The following WWOX variants were observed in gnomAD, a reference collection of about 807,000 sequenced individuals.
WWOX encodes WW domain-containing oxidoreductase.
WWOX carries 69 observed loss-of-function variants against 46.2 expected under a neutral mutation model. The observed-to-expected ratio is 1.49, with a 90% CI of 1.23 to 1.82. The LOEUF is 1.82. Ranked by LOEUF, WWOX falls within the 40% of genes most tolerant of loss-of-function variation. The pLI is 0.00. For missense variants in WWOX, 919 were observed against 542.6 expected (o/e 1.69, Z -6.89); for synonymous variants, 359 against 202.6 (o/e 1.77, Z -6.56).
chr16:78,261,299 A>G (rs920392265), intron 5 of WWOX, among the ~76,000 whole-genome samples: 10 of 150,958 alleles, frequency 6.6e-5, no homozygotes, highest in Non-Finnish European at 1.5e-4. Context: ...ACATACATAC[A>G]TACATACATA....
intron 8 of WWOX, among the ~76,000 whole-genome samples, chr16:78,901,243 G>T (rs2044824357): frequency 6.6e-6 from 1 of 152,194 alleles, no homozygotes; most frequent in African/African-American, 2.4e-5. Context: ...GCAATAGTCT[G>T]GCAATCATCC....
At chr16:79,018,499 G>A (rs1021946352) in intron 8 of WWOX, among the ~76,000 whole-genome samples, 1 of 152,192 alleles carries the variant, frequency 6.6e-6, no homozygotes, top group South Asian at 2.1e-4. Context: ...ACAGACCCAA[G>A]AGGAGAAGGG....
intron 8 of WWOX, among the ~76,000 whole-genome samples, chr16:78,667,032 A>C (rs1200131822): frequency 6.6e-6 from 1 of 152,208 alleles, no homozygotes; most frequent in Non-Finnish European, 1.5e-5. Flanking sequence ...TGCTGGCTGA[A>C]TTAAAAGTCT....
At chr16:78,156,600 G>C (rs895833525) in intron 4 of WWOX, among the ~76,000 whole-genome samples, 1 of 152,122 alleles carries the variant, frequency 6.6e-6, no homozygotes, top group Non-Finnish European at 1.5e-5. Context: ...AGGGTGTAAG[G>C]CTCAAGGAGC....
chr16:78,748,484 A>T (rs1055158527), intron 8 of WWOX, among the ~76,000 whole-genome samples: 3 of 152,146 alleles, frequency 2.0e-5, no homozygotes, highest in African/African-American at 7.2e-5. Flanking sequence ...TGTAAAGTTC[A>T]CCTTTCGGCT....
chr16:79,013,003 A>G (rs1175826094), intron 8 of WWOX, among the ~76,000 whole-genome samples: 1 of 152,162 alleles, frequency 6.6e-6, no homozygotes, highest in Admixed American at 6.5e-5. Context: ...GGGAGATTGG[A>G]GGTTGCAGTG....
chr16:78,922,712 A>G lies in WWOX; in HGVS notation c.1057-288896A>G, dbSNP rs7190125. Among the ~76,000 whole-genome samples the G allele has an allele frequency of 2.6e-5, 4 of 151,966 alleles. No homozygotes were observed. In the East Asian group the frequency reaches 5.9e-4, roughly 22 times the overall value. Reference sequence around the variant, plus strand: ...TGTTTTTTAATTTGGAAAGGATTTTATAAGAAAGGATTCCAACTTTCCCAT... The same window carrying G: ...TGTTTTTTAATTTGGAAAGGATTTTGTAAGAAAGGATTCCAACTTTCCCAT... On this transcript the variant is annotated intron_variant, in intron 8 of 8. Transcript: ENST00000566780.
intron 8 of WWOX, among the ~76,000 whole-genome samples, chr16:78,451,791 T>A (rs1240010533): frequency 1.3e-5 from 2 of 151,732 alleles, no homozygotes; most frequent in African/African-American, 4.9e-5. Context: ...TCAAAGATAT[T>A]ATTGATTATC....
At chr16:78,416,221 G>GT (rs1443646796) in intron 6 of WWOX, among the ~76,000 whole-genome samples, 8 of 152,178 alleles carry the variant, frequency 5.3e-5, no homozygotes, top group African/African-American at 9.7e-5. Flanking sequence ...TTCATAGTCT[G>GT]TAAATATTCA....
At chr16:78,649,240 C>T (rs370857799) in intron 8 of WWOX, among the ~76,000 whole-genome samples, 1 of 152,216 alleles carries the variant, frequency 6.6e-6, no homozygotes, top group Non-Finnish European at 1.5e-5. Context: ...CCGCCTCGGA[C>T]TTCCGAAGTG....
chr16:79,049,834 CAAAA>C (rs34371278), intron 8 of WWOX, among the ~76,000 whole-genome samples: 15 of 78,688 alleles, frequency 1.9e-4, no homozygotes, highest in African/African-American at 4.2e-4. Context: ...GACTCTGTCT[CAAAA>C]AAAAAAAAAA....
At chr16:78,282,082 A>G (rs1024122452) in intron 5 of WWOX, among the ~76,000 whole-genome samples, 2 of 152,184 alleles carry the variant, frequency 1.3e-5, no homozygotes, top group Non-Finnish European at 2.9e-5. Flanking sequence ...GCAGACACCT[A>G]TCCCTGAATC....
In WWOX at chr16:78,144,791, G is replaced by A. The variant is rs936831431; in HGVS notation, c.410-19392G>A. Reference sequence around the variant, plus strand: ...CCACCTTGGCCTACCAAAGTGCTGGGATTACAGGCGTGAGCCACCGTGCCT... The same window carrying A: ...CCACCTTGGCCTACCAAAGTGCTGGAATTACAGGCGTGAGCCACCGTGCCT... On this transcript the variant is annotated intron_variant, in intron 4 of 8. Coordinates refer to ENST00000566780, the MANE Select transcript of WWOX (RefSeq NM_016373.4). Among the ~76,000 whole-genome samples, 5 of 151,728 alleles carry A rather than the reference G, an allele frequency of 3.3e-5. No homozygotes were observed. The East Asian group carries it at 9.8e-4, about 30-fold the overall frequency.
At chr16:78,434,246 A>G (rs2083288388) in intron 8 of WWOX, among the ~76,000 whole-genome samples, 1 of 152,190 alleles carries the variant, frequency 6.6e-6, no homozygotes, top group Non-Finnish European at 1.5e-5. Context: ...AGTGAAGTGA[A>G]AGGACCTACG....
chr16:78,178,574 A>G (rs114872281), intron 5 of WWOX, among the ~76,000 whole-genome samples: 11 of 152,320 alleles, frequency 7.2e-5, no homozygotes, highest in Middle Eastern at 3.4e-3. Context: ...ACATTTAAAA[A>G]TAGATAGCAG....
At chr16:78,966,758 G>C (rs2046369777) in intron 8 of WWOX, among the ~76,000 whole-genome samples, 1 of 152,160 alleles carries the variant, frequency 6.6e-6, no homozygotes, top group South Asian at 2.1e-4. Flanking sequence ...TGATATCACT[G>C]AAAATGGAGG....
At chr16:79,042,918 A>G (rs1188830664) in intron 8 of WWOX, among the ~76,000 whole-genome samples, 1 of 152,182 alleles carries the variant, frequency 6.6e-6, no homozygotes, top group East Asian at 1.9e-4. Flanking sequence ...GATGCGTCAG[A>G]ATTTCATGAT....
rs188980811 is a variant in WWOX at position 79,210,025 on chromosome 16, A to G, written c.1057-1583A>G. ...TTGGGGAGGTAACAAACCAGCTACT[A>G]TTAAGTTCAAGTCATGTCAGTTATT... On this transcript the variant is annotated intron_variant, in intron 8 of 8. Transcript: ENST00000566780. Among the ~76,000 whole-genome samples, 62 of 152,340 alleles carry G rather than the reference A, an allele frequency of 4.1e-4. 1 individual carries two copies. Among genetic ancestry groups the G allele is most frequent in the South Asian group, 2.1e-4 (1 of 4,820 alleles).
At chr16:78,401,459 A>C (rs1306353850) in intron 6 of WWOX, among the ~76,000 whole-genome samples, 1 of 152,124 alleles carries the variant, frequency 6.6e-6, no homozygotes, top group Non-Finnish European at 1.5e-5. Flanking sequence ...TCAATTGTCT[A>C]AAAAAAGAGT....
Sources: gnomAD v4.1 joint callset for allele counts (sites outside exome capture counted in the v4.1 genomes callset) on GRCh38, gnomAD v4.1.1 for gene constraint, MANE v1.5 for transcripts, NCBI Gene and HGNC (gene_info 2026-07-23, HGNC 2026-07-21) for gene names.